GAPDH: variants seen among roughly 807,000 people sequenced by gnomAD.
GAPDH encodes glyceraldehyde-3-phosphate dehydrogenase.
Under a neutral mutation model 31.2 loss-of-function variants are expected in GAPDH, and 13 were observed. The ratio of observed to expected loss-of-function variants is 0.42; its 90% CI spans 0.27 to 0.66. GAPDH has a LOEUF of 0.66. GAPDH is among the 30% of genes least tolerant of loss of function. The probability of loss-of-function intolerance (pLI) is 0.26; values close to 1 mark genes in which losing one functional copy is unlikely to be tolerated. For synonymous variants in GAPDH, 211 were observed against 166.9 expected (o/e 1.26, Z -2.04); for missense variants, 300 against 443.7 (o/e 0.68, Z 2.91).
At chr12:6,536,386 G>C in intron 2 of GAPDH, 108 bp from the exon 3 acceptor site, 1 of 809,992 alleles carries the variant, frequency 1.2e-6, no homozygotes, top group Non-Finnish European at 2.1e-6. Context: ...CCCTCCTGGG[G>C]GTAAGGAGAT....
rs1946516119 is a variant in GAPDH at position 6,537,793 on chromosome 12, G to A, written c.735G>A (p.Leu245=). 6.2e-7 allele frequency: 1 copy of A among 1,611,814 alleles called. No homozygotes were observed. Among genetic ancestry groups the A allele is most frequent in the African/African-American group, 1.3e-5 (1 of 74,966 alleles). The part of the protein sequence containing the change: ...VPTANVSVVD[L]TCRLEKPAKY... ...CTGCCAACGTGTCAGTGGTGGACCT[G>A]ACCTGCCGTCTAGAAAAACCTGCCA... Residue 245 remains leucine (L), a synonymous_variant, in exon 8 of 9, where the codon CTG becomes CTA. Coordinates refer to ENST00000229239, the MANE Select transcript of GAPDH (RefSeq NM_002046.7). This position sits in a 1 kb window ranked among gnomAD's most constrained non-coding sequence, Gnocchi z 4.9.
At chr12:6,535,044 A>C (rs960052896) in intron 2 of GAPDH, 183 bp downstream of exon 2, 16 of 805,738 alleles carry the variant, frequency 2.0e-5, no homozygotes, top group Non-Finnish European at 3.0e-5. Context: ...CGCCCTGTGC[A>C]GCTCCGCCCT....
In GAPDH at chr12:6,536,471, C is replaced by T. The variant is rs186159461; in HGVS notation, c.30-23C>T. 4.4e-6 allele frequency: 7 copies of T among 1,576,656 alleles called. No individual in the cohort carries two copies. In the Admixed American group the frequency reaches 1.2e-4, roughly 26 times the overall value. On this transcript the variant is annotated intron_variant, in intron 2 of 8. Coordinates refer to ENST00000229239, the MANE Select transcript of GAPDH (RefSeq NM_002046.7). ...TCTGGAGGAGCCTCCCCTCCTCATG[C>T]CTTCTTGCCTCTTGTCTCTTAGATT...
intron 2 of GAPDH, 159 bp downstream of exon 2, chr12:6,535,020 C>A: frequency 1.1e-6 from 1 of 919,828 alleles, no homozygotes; most frequent in Non-Finnish European, 1.6e-6. Flanking sequence ...CGGAGCCCCG[C>A]ACCCAGGCTG....
At chr12:6,534,680 C>T (rs1362106154) in intron 1 of GAPDH, 111 bp downstream of exon 1, 10 of 849,058 alleles carry the variant, frequency 1.2e-5, no homozygotes, top group East Asian at 2.7e-5. Context: ...GGGCGGCCTC[C>T]GCATTGCAGG....
Position 6,537,647 on chromosome 12 carries a change from C to T in GAPDH, c.589C>T (p.Arg197Cys). 1 of 1,611,528 alleles carries T rather than the reference C, an allele frequency of 6.2e-7. No individual in the cohort carries two copies. The highest frequency in any genetic ancestry group is 8.5e-7 in the Non-Finnish European group (1 of 1,179,824). ...TVDGPSGKLW[R>C]DGRGALQNII... Reference sequence around the variant, plus strand: ...GGATGGCCCCTCCGGGAAACTGTGGCGTGATGGCCGCGGGGCTCTCCAGAA... The same window carrying T: ...GGATGGCCCCTCCGGGAAACTGTGGTGTGATGGCCGCGGGGCTCTCCAGAA... Residue 197 changes from arginine to cysteine, a missense_variant, in exon 8 of 9, where the codon CGT becomes TGT. Physicochemically the swap from Arg to Cys is radical, Grantham distance 180. Coordinates refer to ENST00000229239, the MANE Select transcript of GAPDH (RefSeq NM_002046.7). The surrounding 1 kb of genome is among the most constrained non-coding windows in gnomAD (Gnocchi z 4.9).
chr12:6,537,445 C>T lies in GAPDH; in HGVS notation c.525+55C>T. 1 of 1,583,438 alleles carries T rather than the reference C, an allele frequency of 6.3e-7. No homozygotes were observed. On this transcript the variant is annotated intron_variant, in intron 7 of 8. Coordinates refer to ENST00000229239, the MANE Select transcript of GAPDH (RefSeq NM_002046.7). The surrounding 1 kb of genome is among the most constrained non-coding windows in gnomAD (Gnocchi z 4.9). ...TCCCACCTTTCTCATCCAAGACTGG[C>T]TCCTCCCTGCCGGGGCTGCGTGCAA...
chr12:6,537,537 G>A lies in GAPDH; in HGVS notation c.526-47G>A. 6.3e-7 allele frequency: 1 copy of A among 1,593,224 alleles called. No individual in the cohort carries two copies. The highest frequency in any genetic ancestry group is 1.3e-5 in the African/African-American group (1 of 74,664). On this transcript the variant is annotated intron_variant, in intron 7 of 8. Transcript: ENST00000229239. The surrounding 1 kb of genome is among the most constrained non-coding windows in gnomAD (Gnocchi z 4.9). ...TCCTTTCAAGGTGGGGAGGGAGGTA[G>A]AGGGGTGATGTGGGGAGTACGCTGC... is the stretch of plus-strand genomic sequence containing the variant.
chr12:6,535,010 C>A, intron 2 of GAPDH, 149 bp downstream of exon 2: 1 of 954,894 alleles, frequency 1.0e-6, no homozygotes, highest in Non-Finnish European at 1.6e-6. Flanking sequence ...TCGGACCTGG[C>A]GGAGCCCCGC....
In GAPDH at chr12:6,537,779, T is replaced by C; in HGVS notation, c.721T>C (p.Ser241Pro). 1 of 1,611,748 alleles carries C rather than the reference T, an allele frequency of 6.2e-7. No individual in the cohort carries two copies. The highest frequency in any genetic ancestry group is 8.5e-7 in the Non-Finnish European group (1 of 1,179,802). ...CTTCCGTGTCCCCACTGCCAACGTG[T>C]CAGTGGTGGACCTGACCTGCCGTCT... is the stretch of plus-strand genomic sequence containing the variant. ...MAFRVPTANVSVVDLTCRLEK... is the reference protein window; with the variant it reads ...MAFRVPTANVPVVDLTCRLEK... The change falls in exon 8 of 9, where the codon TCA becomes CCA. Residue 241 changes from serine to proline, a missense_variant. Transcript: ENST00000229239. The surrounding 1 kb of genome is among the most constrained non-coding windows in gnomAD (Gnocchi z 4.9).
chr12:6,534,620 GC>G, intron 1 of GAPDH, 51 bp downstream of exon 1: 1 of 596,832 alleles, frequency 1.7e-6, no homozygotes, highest in South Asian at 2.0e-5. Flanking sequence ...CCTGAAGGCG[GC>G]AGGGGCGGGC....
At chr12:6,535,552 C>CG (rs1309164586) in intron 2 of GAPDH, 2 of 669,078 alleles carry the variant, frequency 3.0e-6, no homozygotes, top group African/African-American at 3.9e-5. Context: ...GGTGCCAAGC[C>CG]GGGAGAAGCT....
At chr12:6,535,379 G>A (rs897722406) in intron 2 of GAPDH, 1 of 989,352 alleles carries the variant, frequency 1.0e-6, no homozygotes, top group Non-Finnish European at 1.2e-6. Flanking sequence ...GCCTCGATGG[G>A]TGGAGTCGCG....
intron 2 of GAPDH, chr12:6,535,273 C>G (rs867239701): frequency 2.9e-6 from 3 of 1,019,806 alleles, no homozygotes; most frequent in Non-Finnish European, 3.5e-6. Context: ...TGTCCGGATG[C>G]TGCGCCTGCG....
In GAPDH at chr12:6,537,296, T is replaced by C. The variant is rs758590819; in HGVS notation, c.444-13T>C. ...CTCCCCTGACTTGCGCCCCGCTCCC[T>C]CTTTCTTTGCAGCAATGCCTCCTGC... On this transcript the variant is annotated splice_polypyrimidine_tract_variant and intron_variant, in intron 6 of 8. Coordinates refer to ENST00000229239, the MANE Select transcript of GAPDH (RefSeq NM_002046.7). The surrounding 1 kb of genome is among the most constrained non-coding windows in gnomAD (Gnocchi z 4.9). 6.2e-7 allele frequency: 1 copy of C among 1,601,060 alleles called. No homozygotes were observed.
At chr12:6,535,973 G>A (rs1264979865) in intron 2 of GAPDH, among the ~76,000 whole-genome samples, 2 of 152,194 alleles carry the variant, frequency 1.3e-5, no homozygotes, top group African/African-American at 4.8e-5. Flanking sequence ...GGGACTAGGG[G>A]GTTAAAATAC....
At position 6,537,551 on chromosome 12, in the gene GAPDH, G is replaced by A. The variant is rs748816735; in HGVS notation, c.526-33G>A. On this transcript the variant is annotated intron_variant, in intron 7 of 8. Coordinates refer to ENST00000229239, the MANE Select transcript of GAPDH (RefSeq NM_002046.7). The surrounding 1 kb of genome is among the most constrained non-coding windows in gnomAD (Gnocchi z 4.9). ...GGAGGGAGGTAGAGGGGTGATGTGG[G>A]GAGTACGCTGCAGGGCCTCACTCCT... 1 of 1,599,560 alleles carries A rather than the reference G, an allele frequency of 6.3e-7. No individual in the cohort carries two copies. The highest frequency in any genetic ancestry group is 8.5e-7 in the Non-Finnish European group (1 of 1,172,584).
chr12:6,536,560 C>A lies in GAPDH; in HGVS notation c.96C>A (p.Ala32=). Residue 32 remains alanine (A), a synonymous_variant, in exon 3 of 9, where the codon GCC becomes GCA. Coordinates refer to ENST00000229239, the MANE Select transcript of GAPDH (RefSeq NM_002046.7). ...ACTCTGGTAAAGTGGATATTGTTGC[C>A]ATCAATGACCCCTTCATTGACCTCA... is the stretch of plus-strand genomic sequence containing the variant. ...AFNSGKVDIV[A]INDPFIDLNY... The A allele has an allele frequency of 6.2e-7, 1 of 1,613,800 alleles. No individual in the cohort carries two copies. The highest frequency in any genetic ancestry group is 8.5e-7 in the Non-Finnish European group (1 of 1,179,930).
chr12:6,537,426 C>T lies in GAPDH; in HGVS notation c.525+36C>T, dbSNP rs1946501560. The T allele has an allele frequency of 1.3e-6, 2 of 1,595,156 alleles. No homozygotes were observed. The highest frequency in any genetic ancestry group is 1.7e-6 in the Non-Finnish European group (2 of 1,165,634). On this transcript the variant is annotated intron_variant, in intron 7 of 8. Coordinates refer to ENST00000229239, the MANE Select transcript of GAPDH (RefSeq NM_002046.7). This position sits in a 1 kb window ranked among gnomAD's most constrained non-coding sequence, Gnocchi z 4.9. ...TGGGGAATGGGACTGAGGCTCCCAC[C>T]TTTCTCATCCAAGACTGGCTCCTCC...
Sources: gnomAD v4.1 joint callset for allele counts (sites outside exome capture counted in the v4.1 genomes callset) on GRCh38, gnomAD v4.1.1 for gene constraint, Gnocchi (gnomAD v3.1) non-coding constraint, MANE v1.5 for transcripts, NCBI Gene and HGNC (gene_info 2026-07-23, HGNC 2026-07-21) for gene names.